The following CNTNAP4 variants were observed in gnomAD, a reference collection of about 807,000 sequenced individuals.
CNTNAP4 encodes the protein contactin-associated protein-like 4.
Under a neutral mutation model 148.4 loss-of-function variants are expected in CNTNAP4, and 98 were observed. The observed-to-expected ratio is 0.66, with a 90% CI of 0.56 to 0.78. The LOEUF (loss-of-function observed/expected upper bound fraction) is 0.78. Among genes scored for constraint, CNTNAP4 ranks in the 30% least tolerant of loss-of-function variants. CNTNAP4 has a pLI of 0.00. For synonymous variants in CNTNAP4, 730 were observed against 565.1 expected, an observed-to-expected ratio of 1.29 and a Z score of -4.14; for missense variants, 1,935 against 1,565.6, an observed-to-expected ratio of 1.24 and a Z score of -3.98.
At chr16:76,375,146 G>C (rs1271598387) in intron 3 of CNTNAP4, among the ~76,000 whole-genome samples, 1 of 152,120 alleles carries the variant, frequency 6.6e-6, no homozygotes, top group Non-Finnish European at 1.5e-5. Context: ...TATTTACTAG[G>C]TGCAGTGGCT....
chr16:76,459,192 G>A (rs1014360243), intron 8 of CNTNAP4, among the ~76,000 whole-genome samples: 2 of 152,192 alleles, frequency 1.3e-5, no homozygotes, highest in African/African-American at 2.4e-5. Context: ...GACACAGAGA[G>A]TGTATAAGAA....
chr16:76,299,244 A>G (rs1396061040), intron 1 of CNTNAP4, among the ~76,000 whole-genome samples: 1 of 152,254 alleles, frequency 6.6e-6, no homozygotes, highest in Non-Finnish European at 1.5e-5. Context: ...TTTGCAACCT[A>G]CTCATCTGAC....
intron 10 of CNTNAP4, among the ~76,000 whole-genome samples, chr16:76,472,459 A>C (rs1484690060): frequency 2.0e-5 from 3 of 152,028 alleles, no homozygotes; most frequent in Non-Finnish European, 4.4e-5. Context: ...AAAGCCACTT[A>C]TGTTGAACTC....
chr16:76,501,586 T>C (rs73618160), intron 15 of CNTNAP4, among the ~76,000 whole-genome samples: 12,949 of 152,038 alleles, frequency 0.085, 1,270 homozygotes, highest in African/African-American at 0.24. Flanking sequence ...TATCACATTG[T>C]TGGGGAGTGG....
chr16:76,281,260 A>G (rs1958676638), intron 1 of CNTNAP4, among the ~76,000 whole-genome samples: 1 of 152,108 alleles, frequency 6.6e-6, no homozygotes, highest in Middle Eastern at 3.2e-3. Flanking sequence ...CTATAGCAGA[A>G]AATAACTAGA....
intron 15 of CNTNAP4, among the ~76,000 whole-genome samples, chr16:76,518,276 T>C (rs2083325644): frequency 6.6e-6 from 1 of 152,082 alleles, no homozygotes. Flanking sequence ...TACAGGCATC[T>C]GCCACAATGC....
intron 3 of CNTNAP4, among the ~76,000 whole-genome samples, chr16:76,373,584 CTATGAG>C (rs2015090313): frequency 6.6e-6 from 1 of 152,082 alleles, no homozygotes; most frequent in Non-Finnish European, 1.5e-5. Flanking sequence ...CCAGAAGTAG[CTATGAG>C]TATGAAAGGA....
At position 76,494,777 on chromosome 16, in the gene CNTNAP4, C is replaced by A. The variant is rs145103081; in HGVS notation, c.2081-133C>A. ...CCAGCAATCATACTGTTTTGCATATCCTTAAATCCAATCAATCTTTCTCCT... is the reference window on the plus strand; with the variant it reads ...CCAGCAATCATACTGTTTTGCATATACTTAAATCCAATCAATCTTTCTCCT... On this transcript the variant is annotated intron_variant, in intron 13 of 23. Coordinates refer to ENST00000611870, the MANE Select transcript of CNTNAP4 (RefSeq NM_033401.5). 379 of 978,730 alleles carry A rather than the reference C, an allele frequency of 3.9e-4. 5 individuals are homozygous for A. In the African/African-American group the frequency reaches 5.0e-3, roughly 13 times the overall value. 60.6% of individuals were successfully genotyped at this position (978,730 alleles called of 1,614,324 possible).
intron 15 of CNTNAP4, among the ~76,000 whole-genome samples, chr16:76,517,777 A>G (rs981037928): frequency 1.1e-4 from 16 of 152,176 alleles, no homozygotes; most frequent in Non-Finnish European, 1.6e-4. Flanking sequence ...GAACATGGTC[A>G]TTACCCTGAG....
At position 76,338,920 on chromosome 16, in the gene CNTNAP4, C is replaced by G. The variant is rs374193907; in HGVS notation, c.197-16398C>G. 5.0e-4 allele frequency among the ~76,000 whole-genome samples: 76 copies of G among 152,248 alleles called. No individual in the cohort carries two copies. In the South Asian group the frequency reaches 8.1e-3, roughly 16 times the overall value. On this transcript the variant is annotated intron_variant, in intron 2 of 23. Coordinates refer to ENST00000611870, the MANE Select transcript of CNTNAP4 (RefSeq NM_033401.5). ...ATACAGAAGTGATCTCTGTTTATAG[C>G]CAGCAGATCCAGAGTCATTCCCAGC...
intron 2 of CNTNAP4, among the ~76,000 whole-genome samples, chr16:76,336,535 A>T (rs980255412): frequency 6.6e-6 from 1 of 152,202 alleles, no homozygotes; most frequent in African/African-American, 2.4e-5. Context: ...TGGATAAAAG[A>T]TTTAGGCTTT....
intron 9 of CNTNAP4, among the ~76,000 whole-genome samples, chr16:76,466,857 A>G (rs1442179004): frequency 6.6e-6 from 1 of 152,108 alleles, no homozygotes; most frequent in Non-Finnish European, 1.5e-5. Context: ...TAATTAGATA[A>G]ACAGTTGGTA....
chr16:76,444,192 A>G (rs1484846555), intron 4 of CNTNAP4, among the ~76,000 whole-genome samples: 3 of 152,168 alleles, frequency 2.0e-5, no homozygotes, highest in African/African-American at 7.2e-5. Context: ...CAATAAACCC[A>G]TAACCTTTGG....
intron 3 of CNTNAP4, among the ~76,000 whole-genome samples, chr16:76,422,860 G>A (rs12930380): frequency 0.74 from 113,052 of 152,050 alleles, 43,182 homozygotes; most frequent in Non-Finnish European, 0.84. Flanking sequence ...AACATAGAAC[G>A]CAATCACTAG....
At chr16:76,470,181 A>G (rs1373340856) in intron 10 of CNTNAP4, among the ~76,000 whole-genome samples, 1 of 152,178 alleles carries the variant, frequency 6.6e-6, no homozygotes, top group African/African-American at 2.4e-5. Flanking sequence ...GGCAGAGCCC[A>G]GCCTCTAACC....
chr16:76,316,202 A>G, intron 1 of CNTNAP4: 2 of 591,218 alleles, frequency 3.4e-6, no homozygotes, highest in Non-Finnish European at 6.0e-6. Flanking sequence ...TGATTTTTAA[A>G]GTATTTTCAT....
chr16:76,349,150 C>T (rs879242677), intron 2 of CNTNAP4, among the ~76,000 whole-genome samples: 1 of 152,082 alleles, frequency 6.6e-6, no homozygotes, highest in Admixed American at 6.6e-5. Context: ...CTTCATTTCT[C>T]AACTCTCCTT....
Position 76,428,750 on chromosome 16 carries a change from A to G in CNTNAP4, c.538+1151A>G, listed in dbSNP as rs551349490. Among the ~76,000 whole-genome samples the G allele has an allele frequency of 1.2e-4, 18 of 152,240 alleles. 1 individual carries two copies. In the South Asian group the frequency reaches 3.7e-3, roughly 32 times the overall value. On this transcript the variant is annotated intron_variant, in intron 4 of 23. Coordinates refer to ENST00000611870, the MANE Select transcript of CNTNAP4 (RefSeq NM_033401.5). Reference sequence around the variant, plus strand: ...AAGTATTAATATAATATTAATAGCAATAATAGCAGTAACACTAATAGTAAT... The same window carrying G: ...AAGTATTAATATAATATTAATAGCAGTAATAGCAGTAACACTAATAGTAAT...
intron 15 of CNTNAP4, among the ~76,000 whole-genome samples, chr16:76,518,242 C>A (rs934428051): frequency 6.6e-6 from 1 of 152,098 alleles, no homozygotes; most frequent in African/African-American, 2.4e-5. Context: ...ATTCTCCTGC[C>A]TCAGCCTCCT....
Sources: allele counts gnomAD v4.1 joint callset (sites outside exome capture counted in the v4.1 genomes callset), GRCh38; gene constraint gnomAD v4.1.1; transcripts MANE v1.5; gene names NCBI Gene and HGNC (gene_info 2026-07-23, HGNC 2026-07-21).